The following RTN1 variants were observed in gnomAD, a reference collection of about 807,000 sequenced individuals.
The protein encoded by RTN1 is reticulon 1.
Under a neutral mutation model 65.5 loss-of-function variants are expected in RTN1, and 25 were observed. The ratio of observed to expected loss-of-function variants is 0.38; its 90% CI spans 0.28 to 0.53. The LOEUF (loss-of-function observed/expected upper bound fraction) is 0.53. Among genes scored for constraint, RTN1 ranks in the 20% least tolerant of loss-of-function variants. The pLI is 0.79. For synonymous variants in RTN1, 471 were observed against 447.6 expected, an observed-to-expected ratio of 1.05 and a Z score of -0.66; for missense variants, 983 against 1,025.4, an observed-to-expected ratio of 0.96 and a Z score of 0.57.
At chr14:59,778,681 G>A (rs1307296033) in intron 1 of RTN1, among the ~76,000 whole-genome samples, 1 of 152,198 alleles carries the variant, frequency 6.6e-6, no homozygotes, top group African/African-American at 2.4e-5. Flanking sequence ...ACGGAGGAGA[G>A]GGTGGGCAGT....
chr14:59,654,607 A>G (rs1007404391), intron 3 of RTN1, among the ~76,000 whole-genome samples: 1 of 152,120 alleles, frequency 6.6e-6, no homozygotes, highest in Non-Finnish European at 1.5e-5. Flanking sequence ...GAAGCCAGCA[A>G]CATATAAAAA....
chr14:59,670,668 C>G (rs1883483372), intron 3 of RTN1, among the ~76,000 whole-genome samples: 1 of 152,138 alleles, frequency 6.6e-6, no homozygotes, highest in Admixed American at 6.5e-5. Context: ...GTCAGTACCT[C>G]CATAGCATAT....
chr14:59,655,648 A>T (rs1883107728), intron 3 of RTN1, among the ~76,000 whole-genome samples: 1 of 152,244 alleles, frequency 6.6e-6, no homozygotes, highest in South Asian at 2.1e-4. Flanking sequence ...GAACAGAATC[A>T]AGAGTCTAGA....
At chr14:59,842,460 T>C (rs867959931) in intron 1 of RTN1, among the ~76,000 whole-genome samples, 5 of 152,126 alleles carry the variant, frequency 3.3e-5, no homozygotes, top group East Asian at 3.9e-4. Context: ...GAAAATAATT[T>C]GAATGACTTT....
chr14:59,727,777 G>A lies in RTN1; in HGVS notation c.1016-109C>T, dbSNP rs183402433. On this transcript the variant is annotated intron_variant, in intron 2 of 8. Coordinates refer to ENST00000267484, the MANE Select transcript of RTN1 (RefSeq NM_021136.3). The surrounding 1 kb of genome is among the most constrained non-coding windows in gnomAD (Gnocchi z 4.2). ...ATTCCATTAGGCGAGATGTTTTGTC[G>A]TTGCTTGAGAAACACATATCTCATT... 7.1e-5 allele frequency: 99 copies of A among 1,399,482 alleles called. No homozygotes were observed. In the African/African-American group the frequency reaches 1.2e-3, roughly 17 times the overall value. 86.7% of individuals were successfully genotyped at this position (1,399,482 alleles called of 1,614,324 possible).
chr14:59,817,764 A>G (rs967794031), intron 1 of RTN1, among the ~76,000 whole-genome samples: 3 of 152,188 alleles, frequency 2.0e-5, no homozygotes, highest in Non-Finnish European at 4.4e-5. Context: ...CCATTTGTCC[A>G]TAGCTTTGTT....
In RTN1 at chr14:59,607,482, C is replaced by T. The variant is rs760490126; in HGVS notation, c.1776G>A (p.Leu592=). The T allele has an allele frequency of 1.2e-5, 20 of 1,607,016 alleles. No individual in the cohort carries two copies. Among genetic ancestry groups the T allele is most frequent in the Non-Finnish European group, 1.7e-5 (20 of 1,176,608 alleles). Residue 592 remains leucine (L), a synonymous_variant, in exon 4 of 9, where the codon CTG becomes CTA. Transcript: ENST00000267484. The stretch of plus-strand genomic sequence containing the variant: ...TCTGCTTGATGTCCCGCCAATACAA[C>T]AGGTCAATAGCTGCAGGAGACACCA... The part of the protein sequence containing the change: ...LFLNKQKAID[L]LYWRDIKQTG...
At chr14:59,725,057 A>G (rs1186704943) in intron 3 of RTN1, among the ~76,000 whole-genome samples, 1 of 152,200 alleles carries the variant, frequency 6.6e-6, no homozygotes, top group Non-Finnish European at 1.5e-5. Context: ...ACTTGGCAGC[A>G]CAGGGTCCAA....
At chr14:59,714,077 T>TA (rs1469242108) in intron 3 of RTN1, among the ~76,000 whole-genome samples, 7 of 151,632 alleles carry the variant, frequency 4.6e-5, no homozygotes, top group Admixed American at 1.3e-4. Context: ...CTACTAAAAA[T>TA]AAAAAAAATT....
chr14:59,623,326 T>A (rs1378583732), intron 3 of RTN1, among the ~76,000 whole-genome samples: 2 of 152,214 alleles, frequency 1.3e-5, no homozygotes, highest in African/African-American at 4.8e-5. Flanking sequence ...CAAGTTAACA[T>A]AATGATGTGT....
At chr14:59,812,053 C>T (rs557086741) in intron 1 of RTN1, among the ~76,000 whole-genome samples, 2 of 152,256 alleles carry the variant, frequency 1.3e-5, no homozygotes, top group Admixed American at 6.5e-5. Context: ...GGTGTGATAG[C>T]ACCTCACTGT....
At chr14:59,734,517 A>G (rs1884965866) in intron 2 of RTN1, among the ~76,000 whole-genome samples, 1 of 152,238 alleles carries the variant, frequency 6.6e-6, no homozygotes, top group Non-Finnish European at 1.5e-5. Flanking sequence ...GACAGACAAA[A>G]TAGCCAGTTT....
chr14:59,710,251 T>C (rs1884389441), intron 3 of RTN1, among the ~76,000 whole-genome samples: 1 of 152,122 alleles, frequency 6.6e-6, no homozygotes, highest in Non-Finnish European at 1.5e-5. Flanking sequence ...TTTGTCATGT[T>C]GCTAAGGCTG....
intron 2 of RTN1, among the ~76,000 whole-genome samples, chr14:59,740,503 T>C (rs1041562908): frequency 1.3e-5 from 2 of 152,220 alleles, no homozygotes; most frequent in Non-Finnish European, 2.9e-5. Flanking sequence ...CTGGCAATTC[T>C]ACCTCCAGTT....
chr14:59,806,238 A>T (rs947193846), intron 1 of RTN1, among the ~76,000 whole-genome samples: 18 of 151,026 alleles, frequency 1.2e-4, no homozygotes, highest in African/African-American at 3.4e-4. Flanking sequence ...CCTTCTCAAA[A>T]AATAATAATA....
At chr14:59,740,819 T>C (rs1885100939) in intron 2 of RTN1, among the ~76,000 whole-genome samples, 1 of 152,194 alleles carries the variant, frequency 6.6e-6, no homozygotes, top group South Asian at 2.1e-4. Flanking sequence ...GCTTAAAATT[T>C]CAACAATTTC....
intron 3 of RTN1, among the ~76,000 whole-genome samples, chr14:59,635,368 G>T (rs906988112): frequency 6.6e-6 from 1 of 151,752 alleles, no homozygotes; most frequent in Non-Finnish European, 1.5e-5. Context: ...AGACCCTGAA[G>T]AAAAATCTAC....
At chr14:59,779,716 T>C (rs1393878309) in intron 1 of RTN1, among the ~76,000 whole-genome samples, 7 of 152,218 alleles carry the variant, frequency 4.6e-5, no homozygotes, top group Middle Eastern at 3.4e-3. Flanking sequence ...ATTCTGAGAA[T>C]TTGCCTGACC....
At chr14:59,764,313 T>C (rs1885807029) in intron 1 of RTN1, among the ~76,000 whole-genome samples, 1 of 151,792 alleles carries the variant, frequency 6.6e-6, no homozygotes, top group South Asian at 2.1e-4. Flanking sequence ...AATGCATTTG[T>C]GAAGTGCTAC....
Sources: allele counts gnomAD v4.1 joint callset (sites outside exome capture counted in the v4.1 genomes callset), GRCh38; gene constraint gnomAD v4.1.1; non-coding constraint Gnocchi (gnomAD v3.1); transcripts MANE v1.5; gene names NCBI Gene and HGNC (gene_info 2026-07-23, HGNC 2026-07-21).